The following VPS54 variants were observed in gnomAD, a reference collection of about 807,000 sequenced individuals.
VPS54 encodes vacuolar protein sorting-associated protein 54.
VPS54 carries 45 observed loss-of-function variants against 121.5 expected under a neutral mutation model. The ratio of observed to expected loss-of-function variants is 0.37; its 90% CI spans 0.29 to 0.47. VPS54 has a LOEUF of 0.47. Ranked by LOEUF, VPS54 falls within the 20% of genes least tolerant of loss-of-function variation. The pLI is 0.99. For missense variants in VPS54, 1,090 were observed against 1,131.4 expected (o/e 0.96, Z 0.52); for synonymous variants, 371 against 385.8 (o/e 0.96, Z 0.45).
At chr2:63,919,861 A>G (rs1308964926) in intron 15 of VPS54, 22 bp downstream of exon 15, 1 of 1,524,026 alleles carries the variant, frequency 6.6e-7, no homozygotes, top group Middle Eastern at 1.7e-4. Context: ...TTGAAAGAGA[A>G]TGTGTGAATG....
chr2:63,900,431 A>G (rs1672632765), intron 20 of VPS54, among the ~76,000 whole-genome samples: 1 of 152,178 alleles, frequency 6.6e-6, no homozygotes, highest in Non-Finnish European at 1.5e-5. Context: ...CTTACATATG[A>G]AACAATATGG....
intron 1 of VPS54, among the ~76,000 whole-genome samples, chr2:64,013,949 T>G (rs916282350): frequency 1.4e-4 from 21 of 150,386 alleles, no homozygotes; most frequent in Admixed American, 1.3e-3. Flanking sequence ...TCCCAACACT[T>G]TGGAAGGCCG....
At chr2:63,974,227 T>A (rs1278049294) in intron 3 of VPS54, among the ~76,000 whole-genome samples, 1 of 152,232 alleles carries the variant, frequency 6.6e-6, no homozygotes, top group Non-Finnish European at 1.5e-5. Flanking sequence ...CTCTACTGAA[T>A]TACCTTTGCC....
chr2:63,906,800 C>A (rs553396057), intron 20 of VPS54, among the ~76,000 whole-genome samples: 1 of 152,164 alleles, frequency 6.6e-6, no homozygotes, highest in Non-Finnish European at 1.5e-5. Flanking sequence ...ATACATTCAA[C>A]GCAATTTCAA....
intron 20 of VPS54, among the ~76,000 whole-genome samples, chr2:63,904,804 G>C (rs1672838312): frequency 6.6e-6 from 1 of 152,218 alleles, no homozygotes; most frequent in South Asian, 2.1e-4. Context: ...CACATTCTGG[G>C]CCACAAAAGA....
intron 8 of VPS54, among the ~76,000 whole-genome samples, chr2:63,948,170 A>G (rs1427367143): frequency 1.3e-5 from 2 of 152,092 alleles, no homozygotes; most frequent in Admixed American, 6.6e-5. Flanking sequence ...TGAAATAATG[A>G]CCTAGACTCT....
chr2:63,951,248 G>A (rs1446625903), intron 7 of VPS54, among the ~76,000 whole-genome samples: 1 of 139,402 alleles, frequency 7.2e-6, no homozygotes. Context: ...AACCACAACT[G>A]CAGACCTCAA....
At chr2:63,980,214 T>C (rs1039606602) in intron 3 of VPS54, among the ~76,000 whole-genome samples, 1 of 152,220 alleles carries the variant, frequency 6.6e-6, no homozygotes, top group East Asian at 1.9e-4. Flanking sequence ...ACATTATTTA[T>C]ACATACTAAT....
At chr2:63,980,242 C>T (rs575537848) in intron 3 of VPS54, among the ~76,000 whole-genome samples, 25 of 152,222 alleles carry the variant, frequency 1.6e-4, no homozygotes, top group Non-Finnish European at 2.8e-4. Context: ...GCTCTGAAAT[C>T]TACTTTGTTA....
At chr2:63,974,340 G>C (rs1676420799) in intron 3 of VPS54, among the ~76,000 whole-genome samples, 1 of 152,142 alleles carries the variant, frequency 6.6e-6, no homozygotes, top group Admixed American at 6.5e-5. Context: ...ACATTGTCTT[G>C]ATTACTGTAG....
chr2:63,999,326 T>C (rs1677759709), intron 1 of VPS54, among the ~76,000 whole-genome samples: 1 of 152,228 alleles, frequency 6.6e-6, no homozygotes. Flanking sequence ...GGAAAGTCTT[T>C]ATTTCTCTTT....
intron 20 of VPS54, among the ~76,000 whole-genome samples, chr2:63,910,889 C>A (rs2104428268): frequency 6.6e-6 from 1 of 152,228 alleles, no homozygotes; most frequent in East Asian, 1.9e-4. Flanking sequence ...TATTCCACAG[C>A]CTATTAATTG....
rs772829359 is a variant in VPS54 at position 63,905,272 on chromosome 2, CAT to C, written c.2626-5693_2626-5692del. Among the ~76,000 whole-genome samples the C allele has an allele frequency of 5.9e-5, 9 of 152,146 alleles. No individual in the cohort carries two copies. The East Asian group carries it at 7.7e-4, about 13-fold the overall frequency. On this transcript the variant is annotated intron_variant, in intron 20 of 22. Transcript: ENST00000272322. ...ATTTACTTTTACTAAAAGATCAAAACATGTGATAAACTTCTAGCCAGAAAGGG... is the reference window on the plus strand; with the variant it reads ...ATTTACTTTTACTAAAAGATCAAAACGTGATAAACTTCTAGCCAGAAAGGG...
rs561615862 is a variant in VPS54, at chr2:63,986,021, G to C, written c.-20-2002C>G. ...TAAAGACAATTCTACATTTAAGATT[G>C]ACCATGTTAACTTTCTCATTAATCA... is the stretch of plus-strand genomic sequence containing the variant. On this transcript the variant is annotated intron_variant, in intron 1 of 22. Transcript: ENST00000272322. Among the ~76,000 whole-genome samples the C allele has an allele frequency of 1.2e-4, 18 of 152,240 alleles. No homozygotes were observed. In the South Asian group the frequency reaches 2.3e-3, roughly 19 times the overall value.
chr2:63,971,352 C>A (rs1676277445), intron 4 of VPS54, among the ~76,000 whole-genome samples: 1 of 152,140 alleles, frequency 6.6e-6, no homozygotes, highest in Admixed American at 6.5e-5. Flanking sequence ...TCTGATCATG[C>A]CTAGTTAAAA....
chr2:63,924,565 G>A (rs372468614), intron 12 of VPS54, among the ~76,000 whole-genome samples: 3 of 152,080 alleles, frequency 2.0e-5, no homozygotes, highest in African/African-American at 7.2e-5. Flanking sequence ...GGTGGTTCAC[G>A]CCTAGCACTC....
chr2:63,995,341 C>T (rs1677529356), intron 1 of VPS54, among the ~76,000 whole-genome samples: 1 of 152,190 alleles, frequency 6.6e-6, no homozygotes, highest in Non-Finnish European at 1.5e-5. Context: ...CATTTTGACT[C>T]CAGGAAAAGT....
At chr2:63,997,167 T>G (rs769698636) in intron 1 of VPS54, among the ~76,000 whole-genome samples, 9 of 152,190 alleles carry the variant, frequency 5.9e-5, no homozygotes, top group Non-Finnish European at 7.3e-5. Context: ...GCAGTTTCGT[T>G]TTCTGATGCG....
At chr2:63,998,964 T>A (rs952937084) in intron 1 of VPS54, among the ~76,000 whole-genome samples, 2 of 152,160 alleles carry the variant, frequency 1.3e-5, no homozygotes, top group African/African-American at 2.4e-5. Flanking sequence ...TAGCTTTTTT[T>A]AAGACAGAGT....
Sources: gnomAD v4.1 joint callset for allele counts (sites outside exome capture counted in the v4.1 genomes callset) on GRCh38, gnomAD v4.1.1 for gene constraint, MANE v1.5 for transcripts, NCBI Gene and HGNC (gene_info 2026-07-23, HGNC 2026-07-21) for gene names.